The following ARHGAP39 variants were observed in gnomAD, a reference collection of about 807,000 sequenced individuals.
ARHGAP39 encodes the protein rho GTPase-activating protein 39.
In ARHGAP39, 44 loss-of-function variants were observed where a neutral mutation model predicts 106.9. That is an observed-to-expected ratio of 0.41 (90% CI 0.32 to 0.53). The LOEUF is 0.53. Ranked by LOEUF, ARHGAP39 falls within the 20% of genes least tolerant of loss-of-function variation. The probability of loss-of-function intolerance (pLI) is 0.21; values close to 1 mark genes in which losing one functional copy is unlikely to be tolerated. For missense variants in ARHGAP39, 1,496 were observed against 1,577.3 expected (o/e 0.95, Z 0.87); for synonymous variants, 768 against 693.2 (o/e 1.11, Z -1.69).
At chr8:144,617,186 G>A (rs1176808146) in intron 1 of ARHGAP39, among the ~76,000 whole-genome samples, 6 of 151,074 alleles carry the variant, frequency 4.0e-5, no homozygotes, top group African/African-American at 1.2e-4. Flanking sequence ...TGGCCTGGGC[G>A]ACAGAGCGAG....
chr8:144,671,363 T>C lies in ARHGAP39; in HGVS notation c.-82+14323A>G, dbSNP rs1822096072. ...CGCAAAAGAAATGAACGAATAAAGCTGGAGTTAGAAAGAAGCTATTGCCAA... is the reference window on the plus strand; with the variant it reads ...CGCAAAAGAAATGAACGAATAAAGCCGGAGTTAGAAAGAAGCTATTGCCAA... On this transcript the variant is annotated intron_variant, in intron 1 of 11. Coordinates refer to ENST00000377307, the MANE Select transcript of ARHGAP39 (RefSeq NM_025251.3). This position sits in a 1 kb window ranked among gnomAD's most constrained non-coding sequence, Gnocchi z 4.5. Among the ~76,000 whole-genome samples, 1 of 152,266 alleles carries C rather than the reference T, an allele frequency of 6.6e-6. No homozygotes were observed. Among genetic ancestry groups the C allele is most frequent in the African/African-American group, 2.4e-5 (1 of 41,476 alleles).
At position 144,670,491 on chromosome 8, in the gene ARHGAP39, A is replaced by G. The variant is rs1586649230; in HGVS notation, c.-82+15195T>C. ...TCTGTATTTCCTGTCAGTCTCCTTGATGTGCTCCGGACATAAAAGCCTGGG... is the reference window on the plus strand; with the variant it reads ...TCTGTATTTCCTGTCAGTCTCCTTGGTGTGCTCCGGACATAAAAGCCTGGG... On this transcript the variant is annotated intron_variant, in intron 1 of 11. Coordinates refer to ENST00000377307, the MANE Select transcript of ARHGAP39 (RefSeq NM_025251.3). The surrounding 1 kb of genome is among the most constrained non-coding windows in gnomAD (Gnocchi z 4.4). 6.6e-6 allele frequency among the ~76,000 whole-genome samples: 1 copy of G among 152,224 alleles called. No homozygotes were observed. The highest frequency in any genetic ancestry group is 1.9e-4 in the East Asian group (1 of 5,158).
intron 7 of ARHGAP39, among the ~76,000 whole-genome samples, chr8:144,534,958 G>A (rs989357645): frequency 2.0e-5 from 3 of 152,208 alleles, no homozygotes; most frequent in African/African-American, 4.8e-5. Context: ...TCTGGAAGGC[G>A]CGGCACCTTC....
intron 4 of ARHGAP39, among the ~76,000 whole-genome samples, chr8:144,554,867 C>T (rs1384913606): frequency 6.6e-6 from 1 of 152,226 alleles, no homozygotes; most frequent in Non-Finnish European, 1.5e-5. Context: ...ATCGTCTGTG[C>T]AGAACGCCAG....
rs1402936471 is a variant in ARHGAP39 at position 144,530,817 on chromosome 8, TCGTG to T, written c.3031_3034del (p.His1011SerfsTer60). 6.2e-7 allele frequency: 1 copy of T among 1,611,826 alleles called. No homozygotes were observed. Among genetic ancestry groups the T allele is most frequent in the Non-Finnish European group, 8.5e-7 (1 of 1,179,724 alleles). ...GTGCGCGATGCACTGCTCGTAGAACTCGTGCGGGATCAGGGGCTCCTCCAGCTCC... is the reference window on the plus strand; with the variant it reads ...GTGCGCGATGCACTGCTCGTAGAACTCGGGATCAGGGGCTCCTCCAGCTCC... On this transcript the variant is annotated frameshift_variant, in exon 11 of 12. Coordinates refer to ENST00000377307, the MANE Select transcript of ARHGAP39 (RefSeq NM_025251.3). LOFTEE classifies it high-confidence loss of function.
intron 1 of ARHGAP39, among the ~76,000 whole-genome samples, chr8:144,628,132 G>A (rs1486176222): frequency 1.3e-5 from 2 of 152,202 alleles, no homozygotes; most frequent in African/African-American, 2.4e-5. Flanking sequence ...GCAGGTGGCT[G>A]ATGTTGGCCC....
chr8:144,624,243 T>G (rs544384438), intron 1 of ARHGAP39, among the ~76,000 whole-genome samples: 72 of 152,354 alleles, frequency 4.7e-4, no homozygotes, highest in African/African-American at 1.7e-3. Flanking sequence ...ACGAGCGCCC[T>G]TTGCACTAAG....
rs764369837 is a variant in ARHGAP39 at position 144,548,379 on chromosome 8, C to T, written c.707G>A (p.Gly236Asp). Residue 236 changes from glycine (G) to aspartate (D), a missense_variant, in exon 5 of 12, where the codon GGC becomes GAC. By Grantham distance (94) the Gly-to-Asp change is moderately conservative. Around this residue, in one of 4 missense-constraint regions of ARHGAP39, gnomAD observed 905 missense variants for 816.4 expected, o/e 1.11. Coordinates refer to ENST00000377307, the MANE Select transcript of ARHGAP39 (RefSeq NM_025251.3). The surrounding 1 kb of genome is among the most constrained non-coding windows in gnomAD (Gnocchi z 7.4). ...TCTGCGGGAGCGGACCCCAGGTGGG[C>T]CGTCTGGGGCGTAGCCATTGCCCTG... The part of the protein sequence containing the change: ...AAQGNGYAPD[G>D]PPGVRSRRPS... The T allele has an allele frequency of 2.1e-5, 34 of 1,608,898 alleles. No homozygotes were observed. Among genetic ancestry groups the T allele is most frequent in the Non-Finnish European group, 2.8e-5 (33 of 1,178,232 alleles).
chr8:144,638,784 C>T (rs1443319705), intron 1 of ARHGAP39, among the ~76,000 whole-genome samples: 1 of 152,202 alleles, frequency 6.6e-6, no homozygotes, highest in South Asian at 2.1e-4. Context: ...GAATCCTTAG[C>T]TTCCCTCACT....
intron 1 of ARHGAP39, among the ~76,000 whole-genome samples, chr8:144,673,438 T>C (rs111932987): frequency 2.0e-5 from 3 of 152,310 alleles, no homozygotes; most frequent in African/African-American, 7.2e-5. Flanking sequence ...AAGTATATGA[T>C]TTTAGGTTAT....
At chr8:144,572,456 C>T (rs1408918934) in intron 3 of ARHGAP39, among the ~76,000 whole-genome samples, 3 of 152,172 alleles carry the variant, frequency 2.0e-5, no homozygotes, top group Non-Finnish European at 2.9e-5. Context: ...CCCTTCCTTA[C>T]ACCTTATACA....
chr8:144,686,107 G>C (rs1020257027), upstream of ARHGAP39, among the ~76,000 whole-genome samples: 4 of 151,952 alleles, frequency 2.6e-5, no homozygotes, highest in African/African-American at 9.7e-5. Context: ...CGTCTCTTTC[G>C]GTGCAGAGCA....
chr8:144,673,080 G>T (rs1266824148), intron 1 of ARHGAP39, among the ~76,000 whole-genome samples: 2 of 152,128 alleles, frequency 1.3e-5, no homozygotes, highest in Non-Finnish European at 2.9e-5. Flanking sequence ...AGCTGGGCAT[G>T]GTGACATGCA....
At chr8:144,680,950 T>A (rs528923103) in intron 1 of ARHGAP39, among the ~76,000 whole-genome samples, 1 of 152,310 alleles carries the variant, frequency 6.6e-6, no homozygotes, top group East Asian at 1.9e-4. Flanking sequence ...GTTAGCAGGA[T>A]GGCAGGCACC....
chr8:144,575,414 ATTTT>A (rs2130890516), intron 3 of ARHGAP39, among the ~76,000 whole-genome samples: 1 of 152,166 alleles, frequency 6.6e-6, no homozygotes, highest in East Asian at 1.9e-4. Flanking sequence ...TATACAAAAT[ATTTT>A]CTTTCTTTAC....
chr8:144,619,080 A>G (rs1174141815), intron 1 of ARHGAP39, among the ~76,000 whole-genome samples: 4 of 152,218 alleles, frequency 2.6e-5, no homozygotes. Flanking sequence ...GGACAGGCCC[A>G]GGCCCCAGGC....
rs201795521 is a variant in ARHGAP39, at chr8:144,544,138, T to TGCCA, written c.2521+1107_2521+1110dup. ...CTGCACACCTGGAGCCCCGGCCACC[T>TGCCA]GCCAAACTCTGCCTCTGCTGTGATC... On this transcript the variant is annotated intron_variant, in intron 6 of 11. Transcript: ENST00000377307. 4.4e-3 allele frequency among the ~76,000 whole-genome samples: 672 copies of TGCCA among 152,338 alleles called. 5 individuals are homozygous for TGCCA. Among genetic ancestry groups the TGCCA allele is most frequent in the African/African-American group, 0.016 (654 of 41,570 alleles).
chr8:144,589,616 A>G (rs898632947), intron 2 of ARHGAP39, among the ~76,000 whole-genome samples: 3 of 152,236 alleles, frequency 2.0e-5, no homozygotes, highest in Non-Finnish European at 4.4e-5. Context: ...TCCAGGGACA[A>G]CCAGGTTCCG....
intron 1 of ARHGAP39, among the ~76,000 whole-genome samples, chr8:144,680,095 C>T (rs7003754): frequency 9.2e-5 from 14 of 152,236 alleles, no homozygotes; most frequent in Non-Finnish European, 1.9e-4. Context: ...AGAAACCACA[C>T]ATAACCAACC....
Sources: allele counts gnomAD v4.1 joint callset (sites outside exome capture counted in the v4.1 genomes callset), GRCh38; gene constraint gnomAD v4.1.1; regional missense constraint gnomAD v4.1.1; non-coding constraint Gnocchi (gnomAD v3.1); transcripts MANE v1.5; gene names NCBI Gene and HGNC (gene_info 2026-07-23, HGNC 2026-07-21).